Variants in ALG9 observed in about 807,000 individuals in gnomAD.
The protein encoded by ALG9 is ALG9 alpha-1,2-mannosyltransferase.
ALG9 carries 55 observed loss-of-function variants against 81.8 expected under a neutral mutation model. That is an observed-to-expected ratio of 0.67 (90% CI 0.54 to 0.84). The LOEUF (loss-of-function observed/expected upper bound fraction) is 0.84, where lower values mean the gene tolerates loss of function less well. Among genes scored for constraint, ALG9 ranks in the 40% least tolerant of loss-of-function variants. ALG9 has a pLI of 0.00. For missense variants in ALG9, 629 were observed against 745.0 expected, an observed-to-expected ratio of 0.84 and a Z score of 1.81; for synonymous variants, 278 against 274.3, an observed-to-expected ratio of 1.01 and a Z score of -0.13.
intron 14 of ALG9, among the ~76,000 whole-genome samples, chr11:111,802,554 A>C (rs1481174714): frequency 6.6e-6 from 1 of 152,238 alleles, no homozygotes; most frequent in Non-Finnish European, 1.5e-5. Flanking sequence ...TGCAGTGATA[A>C]AAATGTTTTA....
At position 111,783,276 on chromosome 11, in the gene ALG9, A is replaced by T; in HGVS notation, c.*3121T>A. 1 of 152,162 alleles carries T rather than the reference A, an allele frequency of 6.6e-6. No homozygotes were observed. Among genetic ancestry groups the T allele is most frequent in the East Asian group, 1.9e-4 (1 of 5,180 alleles). 9.4% of individuals were successfully genotyped at this position (152,162 alleles called of 1,614,324 possible). A position where few individuals can be genotyped will look rare whatever the true frequency, so the allele number is the denominator to read the frequency against. On this transcript the variant is annotated 3_prime_UTR_variant, in exon 15 of 15. Coordinates refer to ENST00000616540, the MANE Select transcript of ALG9 (RefSeq NM_024740.2). ...TTAAGACCAGCCTGGCCAACATGGT[A>T]AAACCCCACCTCTACTAAAAATACA...
intron 1 of ALG9, chr11:111,871,015 A>G: frequency 1.9e-6 from 2 of 1,052,530 alleles, no homozygotes; most frequent in Non-Finnish European, 2.3e-6. Flanking sequence ...CTTGAGGGAG[A>G]ATAAAAGGAG....
At chr11:111,858,210 C>T (rs1169199212) in intron 5 of ALG9, among the ~76,000 whole-genome samples, 1 of 152,162 alleles carries the variant, frequency 6.6e-6, no homozygotes, top group Non-Finnish European at 1.5e-5. Flanking sequence ...ACCGGGATTA[C>T]AGGCGTGAAC....
chr11:111,844,194 G>C (rs775124781), intron 9 of ALG9, among the ~76,000 whole-genome samples: 1 of 152,068 alleles, frequency 6.6e-6, no homozygotes, highest in Non-Finnish European at 1.5e-5. Context: ...TAGTAGAGAT[G>C]GGGTTTCACC....
At position 111,802,099 on chromosome 11, in the gene ALG9, TC is replaced by T. The variant is rs1223750545; in HGVS notation, c.1733+7543del. ...TACCACCTTTCACTGTCTCCCACTC[TC>T]CCAGTGCTTTCCCCCAACTTCCCTC... On this transcript the variant is annotated intron_variant, in intron 14 of 14. Coordinates refer to ENST00000616540, the MANE Select transcript of ALG9 (RefSeq NM_024740.2). Among the ~76,000 whole-genome samples the T allele has an allele frequency of 4.9e-4, 75 of 152,290 alleles. 1 individual carries two copies. Among genetic ancestry groups the T allele is most frequent in the African/African-American group, 1.7e-3 (71 of 41,544 alleles).
downstream of ALG9, among the ~76,000 whole-genome samples, chr11:111,781,182 G>A (rs1199431678): frequency 6.6e-6 from 1 of 152,196 alleles, no homozygotes; most frequent in Non-Finnish European, 1.5e-5. Context: ...ATCAAACCAA[G>A]TTAAGGGCAT....
At chr11:111,779,175 G>C (rs1034642554), downstream of ALG9, among the ~76,000 whole-genome samples, 27 of 152,054 alleles carry the variant, frequency 1.8e-4, no homozygotes, top group African/African-American at 5.3e-4. Context: ...TTGGAGAACT[G>C]CTGCTTTACA....
chr11:111,826,779 T>C (rs1390029985), intron 13 of ALG9, among the ~76,000 whole-genome samples: 1 of 152,202 alleles, frequency 6.6e-6, no homozygotes, highest in Non-Finnish European at 1.5e-5. Context: ...TCTCACATGA[T>C]TCCTTTGGCA....
At chr11:111,845,698 T>C (rs1415050187) in intron 8 of ALG9, among the ~76,000 whole-genome samples, 1 of 152,222 alleles carries the variant, frequency 6.6e-6, no homozygotes, top group African/African-American at 2.4e-5. Flanking sequence ...GAATGACACA[T>C]GCGGGTTTTA....
intron 8 of ALG9, among the ~76,000 whole-genome samples, chr11:111,847,882 C>A (rs1957162207): frequency 6.6e-6 from 1 of 152,222 alleles, no homozygotes; most frequent in South Asian, 2.1e-4. Flanking sequence ...CCAAAATGCA[C>A]AAACCTTCAA....
intron 14 of ALG9, among the ~76,000 whole-genome samples, chr11:111,803,643 A>G (rs960386924): frequency 6.6e-6 from 1 of 152,208 alleles, no homozygotes; most frequent in Non-Finnish European, 1.5e-5. Context: ...TAGAGAGCCC[A>G]GAAATAGATC....
intron 13 of ALG9, 61 bp downstream of exon 13, chr11:111,836,104 C>A (rs1323483551): frequency 2.5e-6 from 4 of 1,608,658 alleles, no homozygotes; most frequent in East Asian, 4.5e-5. Flanking sequence ...AATATACACA[C>A]CAACAGACTT....
Position 111,782,701 on chromosome 11 carries a change from C to G in ALG9, c.*3696G>C, listed in dbSNP as rs1946049341. ...AGTGAATTCTTATTTCAATAAATCC[C>G]AGGAAATGCAAAACACAATAAATGA... On this transcript the variant is annotated 3_prime_UTR_variant, in exon 15 of 15. Coordinates refer to ENST00000616540, the MANE Select transcript of ALG9 (RefSeq NM_024740.2). The G allele has an allele frequency of 6.6e-6, 1 of 152,150 alleles. No individual in the cohort carries two copies. Among genetic ancestry groups the G allele is most frequent in the African/African-American group, 2.4e-5 (1 of 41,414 alleles). 9.4% of individuals were successfully genotyped at this position (152,150 alleles called of 1,614,324 possible). A position where few individuals can be genotyped will look rare whatever the true frequency, so the allele number is the denominator to read the frequency against.
Position 111,857,829 on chromosome 11 carries a change from T to C in ALG9, c.566-92A>G, listed in dbSNP as rs1991303. 0.034 allele frequency: 48,407 copies of C among 1,409,220 alleles called. 1,109 individuals carry two copies. Among genetic ancestry groups the C allele is most frequent in the Admixed American group, 0.079 (4,298 of 54,164 alleles). The allele number at this position is 1,409,220 out of a possible 1,614,324, so 87.3% of individuals were successfully genotyped here. A position where few individuals can be genotyped will look rare whatever the true frequency, so the allele number is the denominator to read the frequency against. On this transcript the variant is annotated intron_variant, in intron 5 of 14. Coordinates refer to ENST00000616540, the MANE Select transcript of ALG9 (RefSeq NM_024740.2). ...AAAACTGATTAAAAATTTACCTACA[T>C]TATAAAATGTCAATAAACAGGTACA...
rs782394714 is a variant in ALG9, at chr11:111,838,201, G to C, written c.1324+48C>G. ...TAATCATGAATCAAGTAAAACCTAAGAGCAAGTGACTCGTCAGTGTAGGTT... is the reference window on the plus strand; with the variant it reads ...TAATCATGAATCAAGTAAAACCTAACAGCAAGTGACTCGTCAGTGTAGGTT... On this transcript the variant is annotated intron_variant, in intron 11 of 14. Coordinates refer to ENST00000616540, the MANE Select transcript of ALG9 (RefSeq NM_024740.2). 8 of 1,607,734 alleles carry C rather than the reference G, an allele frequency of 5.0e-6. No homozygotes were observed. The South Asian group carries it at 5.5e-5, about 11-fold the overall frequency.
In ALG9 at chr11:111,862,584, T is replaced by A. The variant is rs116938208; in HGVS notation, c.477-1949A>T. ...TCTATATTACCTTTTTTTTTTGGTC[T>A]GTCTGTACTGCATTTTGAGTAATTT... On this transcript the variant is annotated intron_variant, in intron 4 of 14. Transcript: ENST00000616540. 6.6e-3 allele frequency among the ~76,000 whole-genome samples: 1,006 copies of A among 151,916 alleles called. 6 individuals are homozygous for A. The highest frequency in any genetic ancestry group is 0.052 in the Middle Eastern group (15 of 288).
At chr11:111,844,744 A>G (rs782435063) in intron 8 of ALG9, 21 bp from the exon 9 acceptor site, 1 of 1,612,524 alleles carries the variant, frequency 6.2e-7, no homozygotes, top group African/African-American at 1.3e-5. Context: ...CATAAAGGTA[A>G]GAAATCATTA....
chr11:111,821,641 C>CT (rs879950901), intron 13 of ALG9, among the ~76,000 whole-genome samples: 256 of 145,356 alleles, frequency 1.8e-3, no homozygotes, highest in Middle Eastern at 3.6e-3. Context: ...CCCCAGGCTT[C>CT]TTTTTTTTTT....
chr11:111,788,825 T>G (rs781979388), intron 14 of ALG9, among the ~76,000 whole-genome samples: 2 of 152,108 alleles, frequency 1.3e-5, no homozygotes, highest in Non-Finnish European at 2.9e-5. Context: ...AACAGAAAGA[T>G]GCAAAATAGA....
Sources: gnomAD v4.1 joint callset for allele counts (sites outside exome capture counted in the v4.1 genomes callset) on GRCh38, gnomAD v4.1.1 for gene constraint, MANE v1.5 for transcripts, NCBI Gene and HGNC (gene_info 2026-07-23, HGNC 2026-07-21) for gene names.